Variants in MASP2 observed in about 807,000 individuals in gnomAD.
The protein encoded by MASP2 is mannan-binding lectin serine protease 2.
A neutral mutation model predicts 57.1 loss-of-function variants in MASP2; 49 were observed. The ratio of observed to expected loss-of-function variants is 0.86; its 90% CI spans 0.68 to 1.09. The LOEUF is 1.09. MASP2 is among the 50% of genes least tolerant of loss of function. The pLI is 0.00. For missense variants in MASP2, 900 were observed against 874.8 expected (o/e 1.03, Z -0.36); for synonymous variants, 379 against 340.8 (o/e 1.11, Z -1.24).
Position 11,026,611 on chromosome 1 carries a change from A to T in MASP2, c.*274T>A. On this transcript the variant is annotated 3_prime_UTR_variant, in exon 11 of 11. Coordinates refer to ENST00000400897, the MANE Select transcript of MASP2 (RefSeq NM_006610.4). ...AGTATGAAAAGAGACTGGCTTTTTA[A>T]GGTAATGAAATGTAATTTGAGCAGT... The T allele has an allele frequency of 3.5e-6, 1 of 282,846 alleles. No individual in the cohort carries two copies. The highest frequency in any genetic ancestry group is 6.5e-6 in the Non-Finnish European group (1 of 153,290). 17.5% of individuals were successfully genotyped at this position (282,846 alleles called of 1,614,324 possible). A position where few individuals can be genotyped will look rare whatever the true frequency, so the allele number is the denominator to read the frequency against.
chr1:11,026,964 C>A lies in MASP2; in HGVS notation c.1982G>T (p.Gly661Val). ...GTAGACTCCATACTGACCTGCTTCCCCACAATTCATGGAACCCCAGGACAC... is the reference window on the plus strand; with the variant it reads ...GTAGACTCCATACTGACCTGCTTCCACACAATTCATGGAACCCCAGGACAC... ...GIVSWGSMNC[G>V]EAGQYGVYTK... The change falls in exon 11 of 11, where the codon GGG becomes GTG. Residue 661 changes from glycine to valine, a missense_variant. Transcript: ENST00000400897. 6.4e-7 allele frequency: 1 copy of A among 1,551,796 alleles called. No homozygotes were observed. The highest frequency in any genetic ancestry group is 8.7e-7 in the Non-Finnish European group (1 of 1,153,436).
At chr1:11,029,889 G>A in intron 10 of MASP2, 1 of 218,440 alleles carries the variant, frequency 4.6e-6, no homozygotes, top group East Asian at 1.1e-4. Flanking sequence ...CTCCCAAAGT[G>A]CTGGGATTAC....
rs1231286293 is a variant in MASP2, at chr1:11,036,599, A to AGAAGTTTG, written c.1008+1086_1008+1093dup. Among the ~76,000 whole-genome samples, 3 of 149,306 alleles carry AGAAGTTTG rather than the reference A, an allele frequency of 2.0e-5. No individual in the cohort carries two copies. In the East Asian group the frequency reaches 5.8e-4, roughly 29 times the overall value. On this transcript the variant is annotated intron_variant, in intron 7 of 10. Coordinates refer to ENST00000400897, the MANE Select transcript of MASP2 (RefSeq NM_006610.4). The stretch of plus-strand genomic sequence containing the variant: ...GGAGCTGTGGAAAAGAGCCTGCACA[A>AGAAGTTTG]GAAGTTTGCAAGGTGGGAAAAGTGT...
chr1:11,043,223 G>T (rs997341893), intron 5 of MASP2, 116 bp downstream of exon 5: 1 of 1,057,402 alleles, frequency 9.5e-7, no homozygotes, highest in Non-Finnish European at 1.4e-6. Flanking sequence ...CACCTGAAGA[G>T]GTGGGGGTCA....
At position 11,027,600 on chromosome 1, in the gene MASP2, T is replaced by TGCCCTCCATATATAC. The variant is rs1335306691; in HGVS notation, c.1331_1345dup (p.Arg444_Gly448dup). Reference sequence around the variant, plus strand: ...AGGAAAATCACCAGGTTTTGCCTTTTGCCCTCCATATATACGCCCTCCTGT... The same window carrying TGCCCTCCATATATAC: ...AGGAAAATCACCAGGTTTTGCCTTTTGCCCTCCATATATACGCCCTCCATATATACGCCCTCCTGT... On this transcript the variant is annotated inframe_insertion, in exon 11 of 11. Coordinates refer to ENST00000400897, the MANE Select transcript of MASP2 (RefSeq NM_006610.4). The TGCCCTCCATATATAC allele has an allele frequency of 6.2e-7, 1 of 1,614,100 alleles. No homozygotes were observed. The highest frequency in any genetic ancestry group is 8.5e-7 in the Non-Finnish European group (1 of 1,180,038).
chr1:11,035,068 G>A (rs1251129255), intron 7 of MASP2, among the ~76,000 whole-genome samples, 162 bp from the exon 8 acceptor site: 2 of 152,088 alleles, frequency 1.3e-5, no homozygotes, highest in Non-Finnish European at 1.5e-5. Flanking sequence ...GGGTTGGGGG[G>A]ATGCCTGGCA....
chr1:11,034,305 A>G (rs12072993), intron 8 of MASP2, among the ~76,000 whole-genome samples: 11,239 of 150,770 alleles, frequency 0.075, 1,403 homozygotes, highest in African/African-American at 0.26. Flanking sequence ...TACCTTCCCT[A>G]GTAGGTTGGT....
rs1369279850 is a variant in MASP2 at position 11,027,101 on chromosome 1, GT to G, written c.1844del (p.Asn615ThrfsTer7). On this transcript the variant is annotated frameshift_variant, in exon 11 of 11. Transcript: ENST00000400897. LOFTEE classifies it high-confidence loss of function. ...PPYPRGSVTA[N>X]MLCAGLESGG... is the part of the protein sequence containing the mutation. Reference sequence around the variant, plus strand: ...CACTTTCTAAGCCAGCACAAAGCATGTTAGCAGTTACACTTCCCCTTGGATA... The same window carrying G: ...CACTTTCTAAGCCAGCACAAAGCATGTAGCAGTTACACTTCCCCTTGGATA... 2 of 1,607,568 alleles carry G rather than the reference GT, an allele frequency of 1.2e-6. No homozygotes were observed. Among genetic ancestry groups the G allele is most frequent in the Non-Finnish European group, 1.7e-6 (2 of 1,176,538 alleles).
chr1:11,047,082 C>T lies in MASP2; in HGVS notation c.43G>A (p.Ala15Thr). 1 of 1,549,402 alleles carries T rather than the reference C, an allele frequency of 6.5e-7. No individual in the cohort carries two copies. ...GGCCACTTCGGGCCCAAGGGGGTGG[C>T]CACCGAGCCACACAGAAGGCCCAGG... ...TLLGLLCGSV[A>T]TPLGPKWPEP... The change falls in exon 2 of 11, where the codon GCC becomes ACC. Residue 15 changes from alanine to threonine, a missense_variant. Transcript: ENST00000400897.
intron 6 of MASP2, among the ~76,000 whole-genome samples, chr1:11,040,170 C>T (rs142765573): frequency 6.6e-6 from 1 of 150,776 alleles, no homozygotes; most frequent in Non-Finnish European, 1.5e-5. Flanking sequence ...GGTAGATGTA[C>T]AGAAGGATGG....
In MASP2 at chr1:11,026,634, A is replaced by AGT. The variant is rs1275559798; in HGVS notation, c.*249_*250dup. 2.9e-6 allele frequency: 1 copy of AGT among 339,538 alleles called. No individual in the cohort carries two copies. Among genetic ancestry groups the AGT allele is most frequent in the Non-Finnish European group, 5.3e-6 (1 of 189,006 alleles). 21.0% of individuals were successfully genotyped at this position (339,538 alleles called of 1,614,324 possible). On this transcript the variant is annotated 3_prime_UTR_variant, in exon 11 of 11. Coordinates refer to ENST00000400897, the MANE Select transcript of MASP2 (RefSeq NM_006610.4). ...TAAGGTAATGAAATGTAATTTGAGC[A>AGT]GTGACATTACACTGGGTGGGCAAAG... is the stretch of plus-strand genomic sequence containing the variant.
In MASP2 at chr1:11,027,401, T is replaced by G; in HGVS notation, c.1545A>C (p.Glu515Asp). ...LSPHYTQAWS[E>D]AVFIHEGYTH... Reference sequence around the variant, plus strand: ...TATAACCTTCATGTATAAAAACAGCTTCAGACCAGGCTTGTGTATAATGAG... The same window carrying G: ...TATAACCTTCATGTATAAAAACAGCGTCAGACCAGGCTTGTGTATAATGAG... Residue 515 changes from glutamate (E) to aspartate (D), a missense_variant, in exon 11 of 11, where the codon GAA becomes GAC. Glu to Asp is a conservative substitution (Grantham distance 45). Transcript: ENST00000400897. The G allele has an allele frequency of 6.2e-7, 1 of 1,614,234 alleles. No homozygotes were observed.
At chr1:11,044,971 G>A (rs1389449196) in intron 4 of MASP2, 1 of 1,610,214 alleles carries the variant, frequency 6.2e-7, no homozygotes, top group South Asian at 1.1e-5. Flanking sequence ...AGAGATCAGA[G>A]AGGCAAGGAG....
At chr1:11,046,371 C>A in intron 3 of MASP2, 185 bp downstream of exon 3, 1 of 667,060 alleles carries the variant, frequency 1.5e-6, no homozygotes, top group Non-Finnish European at 2.6e-6. Flanking sequence ...AGTTGGCACT[C>A]AGCCCATGTG....
chr1:11,028,128 A>C (rs967897171), intron 10 of MASP2, among the ~76,000 whole-genome samples: 4 of 152,090 alleles, frequency 2.6e-5, no homozygotes, highest in Non-Finnish European at 5.9e-5. Context: ...AGGCTGAGGC[A>C]GGAGAGTTGC....
chr1:11,047,139 G>T lies in MASP2; in HGVS notation c.6-20C>A. The T allele has an allele frequency of 6.5e-7, 1 of 1,548,826 alleles. No homozygotes were observed. The highest frequency in any genetic ancestry group is 8.7e-7 in the Non-Finnish European group (1 of 1,146,338). ...AGCAGCCTATGGGCAGGGCAGGGGC[G>T]GTGAGGGCCCAGGCCTGTGCTCCCA... On this transcript the variant is annotated intron_variant, in intron 1 of 10. Transcript: ENST00000400897.
intron 6 of MASP2, among the ~76,000 whole-genome samples, chr1:11,038,194 G>A (rs760367469): frequency 2.0e-4 from 30 of 152,146 alleles, no homozygotes; most frequent in Non-Finnish European, 2.9e-4. Flanking sequence ...CTGGAGCTGT[G>A]TTTAAATCCT....
chr1:11,030,705 G>A (rs763718196), intron 9 of MASP2, 43 bp downstream of exon 9: 2 of 1,549,624 alleles, frequency 1.3e-6, no homozygotes, highest in East Asian at 4.6e-5. Flanking sequence ...GGGGGCTCAA[G>A]TTCCAAGTAT....
intron 4 of MASP2, chr1:11,044,987 C>G (rs749695767): frequency 6.2e-7 from 1 of 1,606,486 alleles, no homozygotes; most frequent in Non-Finnish European, 8.5e-7. Context: ...AGGAGAGACA[C>G]CGAGAGGGAG....
Sources: allele counts gnomAD v4.1 joint callset (sites outside exome capture counted in the v4.1 genomes callset), GRCh38; gene constraint gnomAD v4.1.1; transcripts MANE v1.5; gene names NCBI Gene and HGNC (gene_info 2026-07-23, HGNC 2026-07-21).